Variants in DLG2 observed in about 807,000 individuals in gnomAD.
DLG2 encodes discs large MAGUK scaffold protein 2, also known as disks large homolog 2.
DLG2 carries 45 observed loss-of-function variants against 132.5 expected under a neutral mutation model. The ratio of observed to expected loss-of-function variants is 0.34; its 90% CI spans 0.27 to 0.44. DLG2 has a LOEUF of 0.44. Ranked by LOEUF, DLG2 falls within the 20% of genes least tolerant of loss-of-function variation. DLG2 has a pLI of 1.00. For synonymous variants in DLG2, 424 were observed against 419.6 expected (o/e 1.01, Z -0.13); for missense variants, 1,045 against 1,196.9 (o/e 0.87, Z 1.87).
At chr11:85,217,276 A>C (rs1415691828) in intron 4 of DLG2, among the ~76,000 whole-genome samples, 1 of 151,234 alleles carries the variant, frequency 6.6e-6, no homozygotes, top group East Asian at 2.0e-4. Flanking sequence ...TTTAAAATGG[A>C]TATACCGCAG....
chr11:85,357,199 G>T (rs866025658), intron 3 of DLG2, among the ~76,000 whole-genome samples: 2 of 150,466 alleles, frequency 1.3e-5, no homozygotes, highest in Admixed American at 6.7e-5. Flanking sequence ...AAAAGATAAG[G>T]TTTGAGAGCA....
At chr11:84,014,126 T>C (rs866445010) in intron 11 of DLG2, among the ~76,000 whole-genome samples, 3 of 152,268 alleles carry the variant, frequency 2.0e-5, no homozygotes, top group South Asian at 2.1e-4. Flanking sequence ...TATCTCCCTT[T>C]AACTTGTTAA....
intron 5 of DLG2, among the ~76,000 whole-genome samples, chr11:85,140,153 T>A (rs2076373002): frequency 1.3e-5 from 2 of 152,016 alleles, no homozygotes; most frequent in African/African-American, 4.8e-5. Flanking sequence ...AAGATTGTGC[T>A]TTCATTTCCT....
intron 6 of DLG2, among the ~76,000 whole-genome samples, chr11:85,105,065 C>A (rs1245508088): frequency 6.6e-6 from 1 of 151,858 alleles, no homozygotes; most frequent in Non-Finnish European, 1.5e-5. Context: ...TGCCTATCCA[C>A]TATTCCTCCA....
intron 6 of DLG2, among the ~76,000 whole-genome samples, chr11:84,590,428 C>G (rs905873750): frequency 1.3e-5 from 2 of 152,174 alleles, no homozygotes; most frequent in African/African-American, 4.8e-5. Flanking sequence ...ATAACTTTAG[C>G]TTTTAAAATT....
intron 6 of DLG2, among the ~76,000 whole-genome samples, chr11:85,104,566 T>G (rs906693760): frequency 6.6e-6 from 1 of 151,812 alleles, no homozygotes; most frequent in Non-Finnish European, 1.5e-5. Flanking sequence ...AATGGGAAAT[T>G]ACTGCTAATG....
chr11:83,474,754 TTC>T (rs1276532646), intron 22 of DLG2, among the ~76,000 whole-genome samples: 5 of 152,148 alleles, frequency 3.3e-5, no homozygotes, highest in African/African-American at 1.2e-4. Context: ...TATTTTGTGT[TTC>T]TGTCAATATG....
chr11:85,551,578 T>A (rs564441547), intron 3 of DLG2, among the ~76,000 whole-genome samples: 1 of 152,156 alleles, frequency 6.6e-6, no homozygotes, highest in South Asian at 2.1e-4. Context: ...TTAAATATAT[T>A]TAAAAATTAC....
At chr11:84,316,694 T>G in intron 7 of DLG2, 1 of 1,019,168 alleles carries the variant, frequency 9.8e-7, no homozygotes, top group Non-Finnish European at 1.4e-6. Flanking sequence ...TGACAGGTTT[T>G]TCTTGGCCTA....
At chr11:84,344,510 T>C (rs4310638) in intron 7 of DLG2, among the ~76,000 whole-genome samples, 47,479 of 152,060 alleles carry the variant, frequency 0.31, 9,092 homozygotes, top group African/African-American at 0.54. Flanking sequence ...AGAGCTCTCA[T>C]ATTTACTTCT....
At chr11:83,546,997 A>G (rs72946694) in intron 19 of DLG2, among the ~76,000 whole-genome samples, 46 of 152,240 alleles carry the variant, frequency 3.0e-4, no homozygotes, top group Admixed American at 1.4e-3. Flanking sequence ...TGAATTTCCT[A>G]CGATACCAAC....
chr11:83,890,495 A>G (rs2069461686), intron 15 of DLG2, among the ~76,000 whole-genome samples: 1 of 152,106 alleles, frequency 6.6e-6, no homozygotes, highest in East Asian at 1.9e-4. Context: ...TATTGAGTGT[A>G]GATGGGAGAC....
chr11:84,942,361 A>G (rs1191599748), intron 6 of DLG2, among the ~76,000 whole-genome samples: 1 of 152,092 alleles, frequency 6.6e-6, no homozygotes, highest in Non-Finnish European at 1.5e-5. Context: ...TGTAAGAGTT[A>G]TTGCTATAAA....
chr11:85,248,426 AT>A (rs912074872), intron 4 of DLG2, among the ~76,000 whole-genome samples: 3 of 151,942 alleles, frequency 2.0e-5, no homozygotes, highest in East Asian at 1.9e-4. Flanking sequence ...TTAATTAAAG[AT>A]TTTTTTTACC....
intron 7 of DLG2, among the ~76,000 whole-genome samples, chr11:84,404,659 T>A (rs1244158833): frequency 2.0e-5 from 3 of 152,160 alleles, no homozygotes; most frequent in African/African-American, 7.2e-5. Flanking sequence ...TTATTTCCTA[T>A]CTTTCTCACC....
intron 6 of DLG2, among the ~76,000 whole-genome samples, chr11:84,576,828 T>A (rs1403446981): frequency 1.3e-5 from 2 of 152,210 alleles, no homozygotes; most frequent in African/African-American, 4.8e-5. Context: ...TAAAAACTGT[T>A]ATAGCTGCTT....
chr11:83,744,994 T>C (rs2092796471), intron 18 of DLG2, among the ~76,000 whole-genome samples: 1 of 152,210 alleles, frequency 6.6e-6, no homozygotes, highest in South Asian at 2.1e-4. Flanking sequence ...GCCAGCTGTC[T>C]TCTTAGGATG....
At chr11:85,002,407 A>G (rs2058294034) in intron 6 of DLG2, among the ~76,000 whole-genome samples, 1 of 152,274 alleles carries the variant, frequency 6.6e-6, no homozygotes, top group East Asian at 1.9e-4. Flanking sequence ...GGAAACAATG[A>G]TAATGCTTTA....
intron 6 of DLG2, among the ~76,000 whole-genome samples, chr11:84,838,300 T>A (rs879545782): frequency 1.3e-5 from 2 of 151,838 alleles, no homozygotes; most frequent in Non-Finnish European, 1.5e-5. Flanking sequence ...GTCTTATGTC[T>A]GCCTCAGAAA....
Sources: allele counts gnomAD v4.1 joint callset (sites outside exome capture counted in the v4.1 genomes callset), GRCh38; gene constraint gnomAD v4.1.1; transcripts MANE v1.5; gene names NCBI Gene and HGNC (gene_info 2026-07-23, HGNC 2026-07-21).